Variants in KIF6 observed in about 807,000 individuals in gnomAD.
The protein encoded by KIF6 is kinesin family member 6.
A neutral mutation model predicts 112.7 loss-of-function variants in KIF6; 106 were observed. The ratio of observed to expected loss-of-function variants is 0.94; its 90% CI spans 0.80 to 1.11. KIF6 has a LOEUF of 1.11. KIF6 is among the 50% of genes least tolerant of loss of function. KIF6 has a pLI of 0.00. For missense variants in KIF6, 929 were observed against 964.0 expected (o/e 0.96, Z 0.48); for synonymous variants, 339 against 339.9 (o/e 1.00, Z 0.03).
At chr6:39,604,685 T>G (rs1161909902) in intron 6 of KIF6, among the ~76,000 whole-genome samples, 2 of 152,162 alleles carry the variant, frequency 1.3e-5, no homozygotes, top group Non-Finnish European at 1.5e-5. Context: ...TTATTTAAAA[T>G]TTAAAAACAA....
At chr6:39,589,590 TG>T (rs1781818864) in intron 7 of KIF6, among the ~76,000 whole-genome samples, 1 of 152,178 alleles carries the variant, frequency 6.6e-6, no homozygotes, top group Non-Finnish European at 1.5e-5. Flanking sequence ...TTGCTTAAGA[TG>T]TAGCTCCACC....
chr6:39,423,986 T>G (rs750894548), intron 14 of KIF6, among the ~76,000 whole-genome samples: 4 of 152,168 alleles, frequency 2.6e-5, no homozygotes, highest in Non-Finnish European at 4.4e-5. Flanking sequence ...GTTACTCCCC[T>G]GCTCAAAACT....
At chr6:39,499,172 C>T (rs1775963499) in intron 13 of KIF6, among the ~76,000 whole-genome samples, 1 of 152,094 alleles carries the variant, frequency 6.6e-6, no homozygotes, top group Non-Finnish European at 1.5e-5. Context: ...GTTAGAGTCC[C>T]ATAGGGTACA....
rs1206566793 is a variant in KIF6, at chr6:39,343,730, G to A, written c.2407C>T (p.Gln803Ter). The stretch of plus-strand genomic sequence containing the variant: ...TTACATTGCTTCTGCAGAATGCTCT[G>A]TCTGGCCTTGATGAAGGCGATGATG... ...SDIIAFIKAR[Q>*]SILQKQCLGS... is the part of the protein sequence containing the mutation. Residue 803 changes from glutamine to a stop codon, truncating the protein, a stop_gained, in exon 22 of 23, where the codon CAG becomes TAG. Coordinates refer to ENST00000287152, the MANE Select transcript of KIF6 (RefSeq NM_145027.6). LOFTEE classifies it high-confidence loss of function. This position sits in a 1 kb window ranked among gnomAD's most constrained non-coding sequence, Gnocchi z 4.1. The A allele has an allele frequency of 1.2e-6, 2 of 1,612,128 alleles. No individual in the cohort carries two copies. The highest frequency in any genetic ancestry group is 2.2e-5 in the East Asian group (1 of 44,862).
intron 13 of KIF6, among the ~76,000 whole-genome samples, chr6:39,523,707 T>G (rs2150529673): frequency 7.9e-6 from 1 of 125,902 alleles, no homozygotes; most frequent in African/African-American, 3.0e-5. Context: ...TGATTACTCT[T>G]TGAAGATGTT....
At chr6:39,553,500 C>T (rs1263995581) in intron 10 of KIF6, among the ~76,000 whole-genome samples, 1 of 152,150 alleles carries the variant, frequency 6.6e-6, no homozygotes, top group Non-Finnish European at 1.5e-5. Context: ...TTTATAGGTG[C>T]ATGTATGCAT....
At chr6:39,413,299 C>T (rs1020417964) in intron 15 of KIF6, among the ~76,000 whole-genome samples, 3 of 152,158 alleles carry the variant, frequency 2.0e-5, no homozygotes, top group African/African-American at 7.2e-5. Context: ...ACAGATGTCT[C>T]CTATTTCAGG....
At chr6:39,566,882 G>C (rs1345530215) in intron 10 of KIF6, among the ~76,000 whole-genome samples, 1 of 152,156 alleles carries the variant, frequency 6.6e-6, no homozygotes, top group Non-Finnish European at 1.5e-5. Context: ...TGTAAAATCA[G>C]CAAGTGACAT....
chr6:39,434,799 G>A (rs2150386959), intron 13 of KIF6, among the ~76,000 whole-genome samples: 1 of 152,184 alleles, frequency 6.6e-6, no homozygotes, highest in East Asian at 1.9e-4. Flanking sequence ...CATTTCCCAG[G>A]TAGAGAAGAC....
At chr6:39,652,320 G>T (rs111303816) in intron 3 of KIF6, among the ~76,000 whole-genome samples, 2,985 of 152,168 alleles carry the variant, frequency 0.02, 54 homozygotes, top group Non-Finnish European at 0.029. Context: ...CCTAAGGTCG[G>T]GAGTTCAAGA....
rs536761816 is a variant in KIF6, at chr6:39,444,777, A to G, written c.1646-13616T>C. 3.9e-5 allele frequency among the ~76,000 whole-genome samples: 6 copies of G among 152,264 alleles called. No homozygotes were observed. The East Asian group carries it at 1.2e-3, about 29-fold the overall frequency. ...TTGTCAACTAGAAATGATCTCATAA[A>G]TACCAGCAAACCACTGATATCAGAC... On this transcript the variant is annotated intron_variant, in intron 13 of 22. Coordinates refer to ENST00000287152, the MANE Select transcript of KIF6 (RefSeq NM_145027.6).
chr6:39,437,835 T>C (rs1265789727), intron 13 of KIF6, among the ~76,000 whole-genome samples: 3 of 152,210 alleles, frequency 2.0e-5, no homozygotes, highest in Non-Finnish European at 4.4e-5. Context: ...CACATGTTTG[T>C]GGTGATGCTG....
intron 2 of KIF6, among the ~76,000 whole-genome samples, chr6:39,717,153 G>A (rs1164095280): frequency 1.3e-5 from 2 of 151,948 alleles, no homozygotes; most frequent in Non-Finnish European, 2.9e-5. Context: ...TCATTCCTCT[G>A]CTCAAAGCCC....
At chr6:39,472,394 A>G (rs1030331349) in intron 13 of KIF6, among the ~76,000 whole-genome samples, 1 of 152,146 alleles carries the variant, frequency 6.6e-6, no homozygotes, top group Non-Finnish European at 1.5e-5. Context: ...TACCCTTAAA[A>G]TGGCAAATAA....
intron 6 of KIF6, among the ~76,000 whole-genome samples, chr6:39,602,955 C>T (rs1276351986): frequency 6.6e-6 from 1 of 152,076 alleles, no homozygotes; most frequent in East Asian, 1.9e-4. Context: ...TTAACATTTG[C>T]GCATATAGAC....
chr6:39,507,929 C>G (rs374989484), intron 13 of KIF6, among the ~76,000 whole-genome samples: 1 of 129,708 alleles, frequency 7.7e-6, no homozygotes, highest in Non-Finnish European at 1.7e-5. Flanking sequence ...CTCTTTCTTT[C>G]CTCCTACTCC....
intron 10 of KIF6, among the ~76,000 whole-genome samples, chr6:39,555,806 A>T (rs1779673268): frequency 6.6e-6 from 1 of 151,872 alleles, no homozygotes; most frequent in Non-Finnish European, 1.5e-5. Context: ...TACAAAAATT[A>T]ACCAGGTGGT....
chr6:39,413,874 G>A (rs143266870), intron 15 of KIF6, among the ~76,000 whole-genome samples: 238 of 152,288 alleles, frequency 1.6e-3, no homozygotes, highest in African/African-American at 5.5e-3. Context: ...TTTGATAAGC[G>A]TAATTTTAAA....
chr6:39,388,872 A>G (rs1428748236), intron 15 of KIF6, among the ~76,000 whole-genome samples: 1 of 152,208 alleles, frequency 6.6e-6, no homozygotes, highest in Non-Finnish European at 1.5e-5. Flanking sequence ...GGGAGCCCAG[A>G]ATGGGGCTGA....
Sources: gnomAD v4.1 joint callset for allele counts (sites outside exome capture counted in the v4.1 genomes callset) on GRCh38, gnomAD v4.1.1 for gene constraint, Gnocchi (gnomAD v3.1) non-coding constraint, MANE v1.5 for transcripts, NCBI Gene and HGNC (gene_info 2026-07-23, HGNC 2026-07-21) for gene names.